Variants in GRID1 observed in about 807,000 individuals in gnomAD.
The protein encoded by GRID1 is glutamate receptor ionotropic, delta-1.
A neutral mutation model predicts 98.0 loss-of-function variants in GRID1; 28 were observed. That is an observed-to-expected ratio of 0.29 (90% CI 0.21 to 0.39). The LOEUF is 0.39. GRID1 is among the 10% of genes least tolerant of loss of function. The pLI, the probability that GRID1 is intolerant of heterozygous loss-of-function variation, is 1.00. For synonymous variants in GRID1, 553 were observed against 538.5 expected (o/e 1.03, Z -0.37); for missense variants, 1,111 against 1,340.5 (o/e 0.83, Z 2.67).
chr10:85,839,859 C>T (rs1842946336), intron 8 of GRID1, among the ~76,000 whole-genome samples: 2 of 151,876 alleles, frequency 1.3e-5, no homozygotes, highest in Admixed American at 6.6e-5. Context: ...AGATAGACTG[C>T]CAGTTAGACA....
At chr10:86,310,333 G>A (rs1589445186) in intron 2 of GRID1, among the ~76,000 whole-genome samples, 1 of 132,218 alleles carries the variant, frequency 7.6e-6, no homozygotes, top group Non-Finnish European at 1.7e-5. Flanking sequence ...GGGCTGCTCA[G>A]GACAGAGCCA....
intron 2 of GRID1, among the ~76,000 whole-genome samples, chr10:86,219,367 A>G (rs2132028184): frequency 1.3e-5 from 2 of 152,262 alleles, no homozygotes; most frequent in East Asian, 3.9e-4. Flanking sequence ...CAACTGCCCA[A>G]TGGCCCTTAA....
At chr10:86,080,023 G>A (rs940549849) in intron 4 of GRID1, among the ~76,000 whole-genome samples, 4 of 152,102 alleles carry the variant, frequency 2.6e-5, no homozygotes, top group East Asian at 1.9e-4. Context: ...TGACCACCAT[G>A]GCCGAAGGCT....
At chr10:86,351,635 C>T (rs1159182176) in intron 2 of GRID1, among the ~76,000 whole-genome samples, 2 of 152,334 alleles carry the variant, frequency 1.3e-5, no homozygotes, top group East Asian at 3.9e-4. Context: ...GCACCCCCTT[C>T]TCTTGGGAGA....
chr10:85,680,189 C>T (rs1256025839), intron 12 of GRID1, among the ~76,000 whole-genome samples: 2 of 152,152 alleles, frequency 1.3e-5, no homozygotes, highest in Non-Finnish European at 2.9e-5. Flanking sequence ...TGCAGGCAGA[C>T]CCAGAAGGGC....
intron 4 of GRID1, among the ~76,000 whole-genome samples, chr10:86,109,867 G>A (rs1234911240): frequency 2.0e-5 from 3 of 152,064 alleles, no homozygotes; most frequent in Non-Finnish European, 2.9e-5. Flanking sequence ...GCCTCACTAG[G>A]CTTCAGTGTC....
chr10:85,750,151 C>G (rs11201774), intron 8 of GRID1, among the ~76,000 whole-genome samples: 3,502 of 152,242 alleles, frequency 0.023, 130 homozygotes, highest in African/African-American at 0.08. Flanking sequence ...ATATGCATAC[C>G]TATTTTTACA....
At chr10:85,885,439 A>G (rs1307540743) in intron 5 of GRID1, among the ~76,000 whole-genome samples, 15 of 152,230 alleles carry the variant, frequency 9.9e-5, no homozygotes, top group Admixed American at 9.8e-4. Flanking sequence ...CCCATAGACT[A>G]TATTGGATTT....
At chr10:85,993,177 A>G (rs1305866119) in intron 4 of GRID1, among the ~76,000 whole-genome samples, 2 of 152,196 alleles carry the variant, frequency 1.3e-5, no homozygotes, top group African/African-American at 4.8e-5. Context: ...GGAGGAGGCC[A>G]GGGTATTTGC....
At chr10:86,066,672 T>C (rs1319871087) in intron 4 of GRID1, among the ~76,000 whole-genome samples, 8 of 152,242 alleles carry the variant, frequency 5.3e-5, no homozygotes, top group Admixed American at 4.6e-4. Flanking sequence ...TAATGTGATA[T>C]GCTCAGCAAA....
At chr10:86,179,123 T>A (rs1589399954) in intron 3 of GRID1, among the ~76,000 whole-genome samples, 1 of 150,892 alleles carries the variant, frequency 6.6e-6, no homozygotes, top group South Asian at 2.1e-4. Context: ...AAGGGAGAAA[T>A]CCCCCCAAGA....
intron 2 of GRID1, among the ~76,000 whole-genome samples, chr10:86,293,309 T>G (rs1428491459): frequency 6.6e-6 from 1 of 152,250 alleles, no homozygotes; most frequent in East Asian, 1.9e-4. Context: ...TCCCCATGTC[T>G]TTCCCTGGCC....
intron 4 of GRID1, among the ~76,000 whole-genome samples, chr10:86,137,926 A>G (rs1300028788): frequency 6.6e-6 from 1 of 152,202 alleles, no homozygotes; most frequent in African/African-American, 2.4e-5. Context: ...CATCAAATGG[A>G]ATTAGTATAA....
At chr10:85,668,210 C>A (rs1159115524) in intron 12 of GRID1, among the ~76,000 whole-genome samples, 1 of 152,170 alleles carries the variant, frequency 6.6e-6, no homozygotes, top group African/African-American at 2.4e-5. Context: ...TCAACCTGGC[C>A]CTTCCTGGCC....
At chr10:85,920,727 G>C (rs111554065) in intron 4 of GRID1, among the ~76,000 whole-genome samples, 2,402 of 152,320 alleles carry the variant, frequency 0.016, 61 homozygotes, top group African/African-American at 0.056. Context: ...GACCCGGTCA[G>C]ACAAGCAAAG....
intron 4 of GRID1, among the ~76,000 whole-genome samples, chr10:86,005,451 C>T (rs1842849547): frequency 6.6e-6 from 1 of 152,106 alleles, no homozygotes; most frequent in Non-Finnish European, 1.5e-5. Context: ...GGAGAGACTA[C>T]TGGTTAATCA....
chr10:86,108,218 G>A (rs1210289056), intron 4 of GRID1, among the ~76,000 whole-genome samples: 3 of 152,134 alleles, frequency 2.0e-5, no homozygotes, highest in Non-Finnish European at 4.4e-5. Flanking sequence ...CTGAAGAAGC[G>A]AGCCACACCC....
At chr10:86,300,025 T>C (rs535511439) in intron 2 of GRID1, among the ~76,000 whole-genome samples, 9 of 152,254 alleles carry the variant, frequency 5.9e-5, no homozygotes, top group Admixed American at 5.9e-4. Context: ...CAGATGTCAT[T>C]AGTTGAGATG....
chr10:85,937,266 T>C (rs1015145575), intron 4 of GRID1, among the ~76,000 whole-genome samples: 3 of 152,224 alleles, frequency 2.0e-5, no homozygotes, highest in South Asian at 2.1e-4. Context: ...TGCAACAAGA[T>C]GTGAAAACTT....
Sources: allele counts gnomAD v4.1 joint callset (sites outside exome capture counted in the v4.1 genomes callset), GRCh38; gene constraint gnomAD v4.1.1; transcripts MANE v1.5; gene names NCBI Gene and HGNC (gene_info 2026-07-23, HGNC 2026-07-21).